Variants in LDLRAD4 observed in about 807,000 individuals in gnomAD.
LDLRAD4 encodes low-density lipoprotein receptor class A domain-containing protein 4.
In LDLRAD4, 5 loss-of-function variants were observed where a neutral mutation model predicts 17.0. The observed-to-expected ratio is 0.29, with a 90% CI of 0.15 to 0.62. LDLRAD4 has a LOEUF of 0.62. LDLRAD4 is among the 20% of genes least tolerant of loss of function. The pLI is 0.84. For synonymous variants in LDLRAD4, 168 were observed against 171.8 expected, an observed-to-expected ratio of 0.98 and a Z score of 0.17; for missense variants, 340 against 424.7, an observed-to-expected ratio of 0.80 and a Z score of 1.75.
At chr18:13,604,822 A>T (rs894365333) in intron 3 of LDLRAD4, among the ~76,000 whole-genome samples, 32 of 152,114 alleles carry the variant, frequency 2.1e-4, no homozygotes, top group Middle Eastern at 3.2e-3. Flanking sequence ...CACCCAGAAG[A>T]TGTACTGGCA....
At chr18:13,227,499 C>T (rs1211100817) in intron 1 of LDLRAD4, among the ~76,000 whole-genome samples, 1 of 152,194 alleles carries the variant, frequency 6.6e-6, no homozygotes, top group Non-Finnish European at 1.5e-5. Flanking sequence ...GGGTGCACTT[C>T]CACCTGGCAT....
At chr18:13,608,645 C>G (rs1048033969) in intron 3 of LDLRAD4, among the ~76,000 whole-genome samples, 4 of 152,122 alleles carry the variant, frequency 2.6e-5, no homozygotes, top group African/African-American at 9.7e-5. Context: ...AGCAAGGTTC[C>G]AGCCACCTTA....
intron 2 of LDLRAD4, among the ~76,000 whole-genome samples, chr18:13,393,026 G>T (rs1316900792): frequency 1.3e-5 from 2 of 152,184 alleles, no homozygotes; most frequent in African/African-American, 2.4e-5. Flanking sequence ...TGGGCTCCGA[G>T]TGAAGGATGT....
intron 1 of LDLRAD4, among the ~76,000 whole-genome samples, chr18:13,238,425 GAAGCAC>G (rs1345064043): frequency 6.6e-6 from 1 of 152,234 alleles, no homozygotes; most frequent in Non-Finnish European, 1.5e-5. Flanking sequence ...TCAGTGTCTT[GAAGCAC>G]TGTTGGATGC....
chr18:13,458,260 A>G (rs2092249671), intron 3 of LDLRAD4, among the ~76,000 whole-genome samples: 1 of 152,198 alleles, frequency 6.6e-6, no homozygotes, highest in Non-Finnish European at 1.5e-5. Flanking sequence ...CATTCACGCA[A>G]AACAAATTTA....
At chr18:13,414,255 C>T (rs1348481282) in intron 2 of LDLRAD4, among the ~76,000 whole-genome samples, 1 of 152,244 alleles carries the variant, frequency 6.6e-6, no homozygotes, top group African/African-American at 2.4e-5. Context: ...TCCATCCCCA[C>T]CATTGCTTGG....
exon 6 of LDLRAD4, chr18:13,652,448 T>A (rs1344941129): frequency 6.6e-6 from 1 of 152,614 alleles, no homozygotes; most frequent in Non-Finnish European, 1.5e-5. Context: ...TATTTGAACT[T>A]TTCAATAGTT....
intron 3 of LDLRAD4, among the ~76,000 whole-genome samples, chr18:13,447,514 C>T (rs1469382431): frequency 1.3e-5 from 2 of 152,344 alleles, no homozygotes; most frequent in African/African-American, 4.8e-5. Context: ...TCATTTCCTC[C>T]TGCTGTGACA....
intron 3 of LDLRAD4, among the ~76,000 whole-genome samples, chr18:13,566,168 CG>C (rs1568347840): frequency 6.6e-6 from 1 of 152,082 alleles, no homozygotes; most frequent in African/African-American, 2.4e-5. Context: ...ACAAGACTAA[CG>C]GGCAGCCAAT....
At chr18:13,280,846 C>T (rs556346155) in intron 1 of LDLRAD4, among the ~76,000 whole-genome samples, 22 of 152,122 alleles carry the variant, frequency 1.4e-4, no homozygotes, top group Admixed American at 1.1e-3. Context: ...ACCAGTGGTC[C>T]CTGTGGGGAG....
intron 1 of LDLRAD4, among the ~76,000 whole-genome samples, chr18:13,336,076 G>A (rs981975027): frequency 6.6e-6 from 1 of 152,158 alleles, no homozygotes; most frequent in Non-Finnish European, 1.5e-5. Context: ...GAGATCACAC[G>A]GTGAGAGAGG....
At chr18:13,224,399 C>G (rs1341256885) in intron 1 of LDLRAD4, among the ~76,000 whole-genome samples, 2 of 152,044 alleles carry the variant, frequency 1.3e-5, no homozygotes, top group Non-Finnish European at 1.5e-5. Context: ...GGGAATGCCC[C>G]CACCAGCTGT....
chr18:13,423,845 C>A (rs977080405), intron 2 of LDLRAD4, among the ~76,000 whole-genome samples: 1 of 152,056 alleles, frequency 6.6e-6, no homozygotes, highest in African/African-American at 2.4e-5. Flanking sequence ...AAACATCTTC[C>A]AGTGTTAGGC....
chr18:13,519,151 T>C (rs1265588546), intron 3 of LDLRAD4, among the ~76,000 whole-genome samples: 4 of 152,256 alleles, frequency 2.6e-5, no homozygotes, highest in Admixed American at 1.3e-4. Flanking sequence ...CCTGCTTTCC[T>C]TAGCTCATGG....
chr18:13,370,829 G>C (rs2084446550), intron 1 of LDLRAD4, among the ~76,000 whole-genome samples: 1 of 150,784 alleles, frequency 6.6e-6, no homozygotes, highest in Admixed American at 6.7e-5. Context: ...TCCTGCCTCA[G>C]CCTCTGGAGT....
intron 3 of LDLRAD4, among the ~76,000 whole-genome samples, chr18:13,544,816 G>T (rs180935090): frequency 2.7e-5 from 4 of 150,816 alleles, no homozygotes; most frequent in Non-Finnish European, 4.4e-5. Flanking sequence ...TTCAGCTGCC[G>T]CCAGGAAAAA....
chr18:13,408,110 A>C (rs1232959930), intron 2 of LDLRAD4, among the ~76,000 whole-genome samples: 1 of 152,218 alleles, frequency 6.6e-6, no homozygotes, highest in Non-Finnish European at 1.5e-5. Flanking sequence ...ACAATGGCTC[A>C]TGCCTGTAAT....
intron 1 of LDLRAD4, among the ~76,000 whole-genome samples, chr18:13,363,567 T>C (rs1012640309): frequency 2.0e-5 from 3 of 152,318 alleles, no homozygotes; most frequent in South Asian, 2.1e-4. Flanking sequence ...AGGAGTCAGC[T>C]TTGAGGACAG....
intron 2 of LDLRAD4, among the ~76,000 whole-genome samples, chr18:13,415,219 C>T (rs2088765346): frequency 6.6e-6 from 1 of 152,150 alleles, no homozygotes; most frequent in Admixed American, 6.5e-5. Context: ...CTTGAGTTTC[C>T]TCCTCAGTTA....
Sources: allele counts gnomAD v4.1 joint callset (sites outside exome capture counted in the v4.1 genomes callset), GRCh38; gene constraint gnomAD v4.1.1; transcripts MANE v1.5; gene names NCBI Gene and HGNC (gene_info 2026-07-23, HGNC 2026-07-21).